The following TTLL5 variants were observed in gnomAD, a reference collection of about 807,000 sequenced individuals.
The protein encoded by TTLL5 is tubulin polyglutamylase TTLL5.
In TTLL5, 132 loss-of-function variants were observed where a neutral mutation model predicts 168.4. The observed-to-expected ratio is 0.78, with a 90% CI of 0.68 to 0.91. The LOEUF (loss-of-function observed/expected upper bound fraction) is 0.91. Ranked by LOEUF, TTLL5 falls within the 40% of genes least tolerant of loss-of-function variation. TTLL5 has a pLI of 0.00. For synonymous variants in TTLL5, 546 were observed against 558.6 expected, an observed-to-expected ratio of 0.98 and a Z score of 0.32; for missense variants, 1,545 against 1,581.5, an observed-to-expected ratio of 0.98 and a Z score of 0.39.
Position 75,863,860 on chromosome 14 carries a change from C to A in TTLL5, c.3520C>A (p.Gln1174Lys), listed in dbSNP as rs767891576. 2 of 1,435,906 alleles carry A rather than the reference C, an allele frequency of 1.4e-6. No homozygotes were observed. The highest frequency in any genetic ancestry group is 4.0e-5 in the Admixed American group (2 of 49,710). The allele number at this position is 1,435,906 out of a possible 1,614,324, so 88.9% of individuals were successfully genotyped here. The change falls in exon 29 of 32, where the codon CAG becomes AAG. Residue 1174 changes from glutamine to lysine, a missense_variant and splice_region_variant. Coordinates refer to ENST00000298832, the MANE Select transcript of TTLL5 (RefSeq NM_015072.5). ...QLLDQSRARHQAIFGSQTLPN... is the reference protein window; with the variant it reads ...QLLDQSRARHKAIFGSQTLPN... The stretch of plus-strand genomic sequence containing the variant: ...CCTGGACCAGAGTCGAGCCCGGCAC[C>A]AGGTAATTCAAGATAAGTCTTTTCC...
chr14:75,696,579 A>G (rs1287009672), intron 6 of TTLL5, among the ~76,000 whole-genome samples: 1 of 152,228 alleles, frequency 6.6e-6, no homozygotes, highest in Non-Finnish European at 1.5e-5. Flanking sequence ...GTCATATATA[A>G]CTATAAATAT....
intron 29 of TTLL5, among the ~76,000 whole-genome samples, chr14:75,882,379 A>G (rs1454446019): frequency 6.6e-6 from 1 of 152,184 alleles, no homozygotes; most frequent in Non-Finnish European, 1.5e-5. Flanking sequence ...ACAATGATGG[A>G]AACTACACTG....
At chr14:75,692,132 G>A (rs1373702752) in intron 6 of TTLL5, among the ~76,000 whole-genome samples, 1 of 152,178 alleles carries the variant, frequency 6.6e-6, no homozygotes, top group Non-Finnish European at 1.5e-5. Flanking sequence ...GTGCCTTAAT[G>A]TCCGCATCTA....
chr14:75,746,478 GTTC>G (rs1889617600), intron 17 of TTLL5, among the ~76,000 whole-genome samples: 1 of 150,792 alleles, frequency 6.6e-6, no homozygotes, highest in Admixed American at 6.6e-5. Flanking sequence ...TATTGTCTTT[GTTC>G]TTCTATGCAT....
intron 29 of TTLL5, among the ~76,000 whole-genome samples, chr14:75,871,318 C>T (rs1156523178): frequency 6.6e-6 from 1 of 152,106 alleles, no homozygotes; most frequent in Admixed American, 6.6e-5. Flanking sequence ...TATCTCCATT[C>T]CACTGATGAG....
At position 75,783,215 on chromosome 14, in the gene TTLL5, A is replaced by G. The variant is rs1471008814; in HGVS notation, c.2671A>G (p.Thr891Ala). Residue 891 changes from threonine (T) to alanine (A), a missense_variant, in exon 26 of 32, where the codon ACT (threonine) becomes GCT (alanine). Transcript: ENST00000298832. ...CAATTCCTCCTCTGGTCCTACTGCTACTCTGCAGAAAATTCCCAACACCCA... is the reference window on the plus strand; with the variant it reads ...CAATTCCTCCTCTGGTCCTACTGCTGCTCTGCAGAAAATTCCCAACACCCA... ...YSNSSSGPTA[T>A]LQKIPNTHLS... The G allele has an allele frequency of 1.2e-6, 2 of 1,613,990 alleles. No homozygotes were observed. Among genetic ancestry groups the G allele is most frequent in the East Asian group, 4.5e-5 (2 of 44,894 alleles).
chr14:75,677,971 T>G (rs1349662568), intron 3 of TTLL5, among the ~76,000 whole-genome samples: 1 of 151,984 alleles, frequency 6.6e-6, no homozygotes, highest in Non-Finnish European at 1.5e-5. Flanking sequence ...CCCATGTAAC[T>G]GTTCTCTATT....
At chr14:75,901,818 A>G (rs931863298) in intron 30 of TTLL5, among the ~76,000 whole-genome samples, 1 of 152,228 alleles carries the variant, frequency 6.6e-6, no homozygotes, top group African/African-American at 2.4e-5. Context: ...TCAATAAACA[A>G]CTATTTATTG....
chr14:75,879,994 C>T (rs1010397848), intron 29 of TTLL5, among the ~76,000 whole-genome samples: 6 of 152,070 alleles, frequency 3.9e-5, no homozygotes, highest in African/African-American at 1.4e-4. Context: ...ACTATATGCA[C>T]GCAGTATGAA....
chr14:75,772,203 C>G (rs1007290493), intron 21 of TTLL5, among the ~76,000 whole-genome samples: 5 of 152,166 alleles, frequency 3.3e-5, no homozygotes, highest in African/African-American at 1.2e-4. Flanking sequence ...TCTCAAGCAA[C>G]CTCACATTAT....
chr14:75,701,189 A>C (rs1886241924), intron 7 of TTLL5, among the ~76,000 whole-genome samples: 1 of 152,164 alleles, frequency 6.6e-6, no homozygotes, highest in South Asian at 2.1e-4. Context: ...TTTATTTACA[A>C]ATAACAACCT....
At chr14:75,822,375 A>C (rs538975457) in intron 28 of TTLL5, among the ~76,000 whole-genome samples, 13 of 152,124 alleles carry the variant, frequency 8.5e-5, no homozygotes, top group Non-Finnish European at 1.9e-4. Context: ...CTGTTTTGAG[A>C]GCTTTTAGAT....
chr14:75,729,516 A>G lies in TTLL5; in HGVS notation c.1043-2822A>G, dbSNP rs551806222. ...ACCCAAATTATTTTTCTTAAGCTGA[A>G]TTGATTGTGTTCAAAGAGGAAAACC... is the stretch of plus-strand genomic sequence containing the variant. On this transcript the variant is annotated intron_variant, in intron 12 of 31. Coordinates refer to ENST00000298832, the MANE Select transcript of TTLL5 (RefSeq NM_015072.5). Among the ~76,000 whole-genome samples, 6 of 151,224 alleles carry G rather than the reference A, an allele frequency of 4.0e-5. No homozygotes were observed. The South Asian group carries it at 1.1e-3, about 27-fold the overall frequency.
At chr14:75,798,716 T>A (rs1046466518) in intron 27 of TTLL5, among the ~76,000 whole-genome samples, 1 of 152,194 alleles carries the variant, frequency 6.6e-6, no homozygotes, top group Admixed American at 6.5e-5. Context: ...GATTTCATTG[T>A]TGACCCAATG....
In TTLL5 at chr14:75,711,835, A is replaced by C. The variant is rs137945918; in HGVS notation, c.740+4128A>C. 160 of 152,352 alleles carry C rather than the reference A, an allele frequency of 1.1e-3. 2 individuals carry two copies. The highest frequency in any genetic ancestry group is 3.7e-3 in the African/African-American group (154 of 41,544). The allele number at this position is 152,352 out of a possible 1,614,324, so 9.4% of individuals were successfully genotyped here. A position where few individuals can be genotyped will look rare whatever the true frequency, so the allele number is the denominator to read the frequency against. On this transcript the variant is annotated intron_variant, in intron 9 of 31. Transcript: ENST00000298832. ...TAACACTGGCTCTGCAGGGATATTT[A>C]CCTTTTCTCTGCTGGATTCCTGTGG...
intron 8 of TTLL5, 34 bp downstream of exon 8, chr14:75,707,121 C>T (rs1177527829): frequency 6.4e-7 from 1 of 1,567,034 alleles, no homozygotes; most frequent in Non-Finnish European, 8.8e-7. Context: ...CCAAATTGGG[C>T]CAGATTTTTG....
chr14:75,686,585 C>T (rs1158278291), intron 5 of TTLL5, among the ~76,000 whole-genome samples: 4 of 152,312 alleles, frequency 2.6e-5, no homozygotes, highest in Middle Eastern at 3.4e-3. Flanking sequence ...TTTTCCTGGA[C>T]AGTCCTTTTT....
intron 31 of TTLL5, among the ~76,000 whole-genome samples, chr14:75,926,713 A>C (rs10148563): frequency 0.011 from 1,727 of 152,280 alleles, 32 homozygotes; most frequent in African/African-American, 0.04. Context: ...CTGCTGGTGG[A>C]AATGTAAAAT....
At chr14:75,937,306 T>G (rs2034464931) in intron 31 of TTLL5, among the ~76,000 whole-genome samples, 1 of 151,708 alleles carries the variant, frequency 6.6e-6, no homozygotes, top group African/African-American at 2.4e-5. Context: ...TTTTGTATTT[T>G]TAGTAGAGAC....
Sources: gnomAD v4.1 joint callset for allele counts (sites outside exome capture counted in the v4.1 genomes callset) on GRCh38, gnomAD v4.1.1 for gene constraint, MANE v1.5 for transcripts, NCBI Gene and HGNC (gene_info 2026-07-23, HGNC 2026-07-21) for gene names.